Variants in GCSH observed in about 807,000 individuals in gnomAD.
GCSH encodes the protein glycine cleavage system H protein, mitochondrial.
Under a neutral mutation model 21.3 loss-of-function variants are expected in GCSH, and 15 were observed. The observed-to-expected ratio is 0.70, with a 90% confidence interval of 0.47 to 1.08. GCSH has a LOEUF of 1.08. Ranked by LOEUF, GCSH falls within the 50% of genes least tolerant of loss-of-function variation. The probability of loss-of-function intolerance (pLI) is 0.00; values close to 1 mark genes in which losing one functional copy is unlikely to be tolerated. For missense variants in GCSH, 179 were observed against 217.5 expected (o/e 0.82, Z 1.11); for synonymous variants, 59 against 84.5 (o/e 0.70, Z 1.66).
At chr16:81,095,180 G>A (rs544986903) in intron 1 of GCSH, among the ~76,000 whole-genome samples, 1 of 152,238 alleles carries the variant, frequency 6.6e-6, no homozygotes, top group Non-Finnish European at 1.5e-5. Flanking sequence ...ACATTCATGG[G>A]CAGGTTTCCC....
At chr16:81,089,303 C>A (rs1209027384) in intron 2 of GCSH, among the ~76,000 whole-genome samples, 1 of 152,174 alleles carries the variant, frequency 6.6e-6, no homozygotes, top group Non-Finnish European at 1.5e-5. Flanking sequence ...ATTCTGGAAT[C>A]CAAAACGCTC....
At chr16:81,091,499 A>G (rs927982510) in intron 1 of GCSH, among the ~76,000 whole-genome samples, 1 of 152,216 alleles carries the variant, frequency 6.6e-6, no homozygotes, top group Non-Finnish European at 1.5e-5. Context: ...AAGAGTAAAA[A>G]GAGTTATTTA....
At chr16:81,089,907 C>T (rs1342337880) in intron 2 of GCSH, among the ~76,000 whole-genome samples, 1 of 152,176 alleles carries the variant, frequency 6.6e-6, no homozygotes, top group Non-Finnish European at 1.5e-5. Flanking sequence ...ATGGTGGCAA[C>T]ACCCTGCTCT....
chr16:81,090,135 G>A (rs546710437), intron 2 of GCSH, among the ~76,000 whole-genome samples: 2 of 150,450 alleles, frequency 1.3e-5, no homozygotes, highest in East Asian at 3.9e-4. Flanking sequence ...CTGTCACCCA[G>A]GCTAGAGTGT....
intron 2 of GCSH, among the ~76,000 whole-genome samples, chr16:81,089,766 A>G (rs8177879): frequency 0.035 from 5,285 of 152,278 alleles, 245 homozygotes; most frequent in African/African-American, 0.11. Flanking sequence ...CAGTATCGCC[A>G]TATGGAATTG....
chr16:81,089,675 C>G (rs201198272), intron 2 of GCSH, among the ~76,000 whole-genome samples: 2 of 152,218 alleles, frequency 1.3e-5, no homozygotes, highest in East Asian at 3.8e-4. Context: ...TAACATCCCC[C>G]CTTCCCCGCC....
intron 2 of GCSH, among the ~76,000 whole-genome samples, chr16:81,088,850 C>T (rs79959612): frequency 0.035 from 5,342 of 152,266 alleles, 251 homozygotes; most frequent in African/African-American, 0.11. Flanking sequence ...CCTGAAGTCC[C>T]TGACTCCAGA....
intron 3 of GCSH, among the ~76,000 whole-genome samples, chr16:81,085,727 G>T (rs1468941177): frequency 6.6e-6 from 1 of 152,160 alleles, no homozygotes; most frequent in Non-Finnish European, 1.5e-5. Flanking sequence ...GGGCGTGGTG[G>T]TGGGCGCCTA....
intron 3 of GCSH, among the ~76,000 whole-genome samples, chr16:81,084,818 T>C (rs1972239252): frequency 6.6e-6 from 1 of 151,424 alleles, no homozygotes; most frequent in African/African-American, 2.4e-5. Flanking sequence ...TTCATGCCAT[T>C]CTCCTGCCTC....
Sources: allele counts gnomAD v4.1 joint callset (sites outside exome capture counted in the v4.1 genomes callset), GRCh38; gene constraint gnomAD v4.1.1; transcripts MANE v1.5; gene names NCBI Gene and HGNC (gene_info 2026-07-23, HGNC 2026-07-21).